The following PCDHA3 variants were observed in gnomAD, a reference collection of about 807,000 sequenced individuals.
PCDHA3 encodes the protein protocadherin alpha 3, also known as protocadherin alpha-3.
In PCDHA3, 41 loss-of-function variants were observed where a neutral mutation model predicts 62.2. The ratio of observed to expected loss-of-function variants is 0.66; its 90% CI spans 0.51 to 0.86. PCDHA3 has a LOEUF of 0.86. Among genes scored for constraint, PCDHA3 ranks in the 40% least tolerant of loss-of-function variants. PCDHA3 has a pLI of 0.00. For missense variants in PCDHA3, 1,304 were observed against 1,241.2 expected (o/e 1.05, Z -0.76); for synonymous variants, 640 against 555.4 (o/e 1.15, Z -2.14).
intron 1 of PCDHA3, among the ~76,000 whole-genome samples, chr5:140,806,741 C>T (rs1763776091): frequency 6.6e-6 from 1 of 152,124 alleles, no homozygotes; most frequent in Non-Finnish European, 1.5e-5. Flanking sequence ...TACATGTTTA[C>T]AAAGTGTATA....
At chr5:140,820,515 G>A (rs2150107166) in intron 1 of PCDHA3, among the ~76,000 whole-genome samples, 23 of 151,938 alleles carry the variant, frequency 1.5e-4, no homozygotes, top group African/African-American at 5.6e-4. Flanking sequence ...ATATATACAA[G>A]CAGAATGTTA....
intron 1 of PCDHA3, among the ~76,000 whole-genome samples, chr5:140,898,137 G>C (rs1554187832): frequency 6.6e-6 from 1 of 152,098 alleles, no homozygotes; most frequent in African/African-American, 2.4e-5. Flanking sequence ...CATTTTGTAG[G>C]TTGCCTGTTC....
chr5:140,910,514 T>C (rs1246361505), intron 1 of PCDHA3, among the ~76,000 whole-genome samples: 1 of 152,218 alleles, frequency 6.6e-6, no homozygotes, highest in African/African-American at 2.4e-5. Flanking sequence ...TCTTCAAGGA[T>C]GCAGGTACTC....
At chr5:140,816,507 T>TTTTG (rs1554127077) in intron 1 of PCDHA3, 1 of 149,440 alleles carries the variant, frequency 6.7e-6, no homozygotes, top group Non-Finnish European at 1.5e-5. Flanking sequence ...GGAGGTGTGT[T>TTTTG]TGTGTGTGTG....
At position 141,010,062 on chromosome 5, in the gene PCDHA3, A is replaced by G. The variant is rs1310704954; in HGVS notation, c.*125A>G. The G allele has an allele frequency of 8.1e-6, 13 of 1,602,422 alleles. No individual in the cohort carries two copies. Among genetic ancestry groups the G allele is most frequent in the African/African-American group, 2.7e-5 (2 of 74,284 alleles). On this transcript the variant is annotated 3_prime_UTR_variant, in exon 4 of 4. Transcript: ENST00000522353. Reference sequence around the variant, plus strand: ...CCTCTTAGAGACCTCAGAAATCTGCAGAAAGTTCCCTGTGTCTGTCTAGAA... The same window carrying G: ...CCTCTTAGAGACCTCAGAAATCTGCGGAAAGTTCCCTGTGTCTGTCTAGAA...
chr5:140,950,515 C>T lies in PCDHA3; in HGVS notation c.2395-28434C>T, dbSNP rs144121614. 1.4e-3 allele frequency among the ~76,000 whole-genome samples: 220 copies of T among 151,996 alleles called. 1 individual carries two copies. The highest frequency in any genetic ancestry group is 4.9e-3 in the African/African-American group (204 of 41,490). On this transcript the variant is annotated intron_variant, in intron 1 of 3. Transcript: ENST00000522353. The stretch of plus-strand genomic sequence containing the variant: ...CATTTAAGTCATTATTCCCTGTGTG[C>T]GATATGATTGTTTTTGTTGCTCTTG...
intron 1 of PCDHA3, among the ~76,000 whole-genome samples, chr5:140,826,325 G>T (rs1455505548): frequency 6.6e-6 from 1 of 151,996 alleles, no homozygotes; most frequent in East Asian, 1.9e-4. Context: ...GATTGTTTTT[G>T]GTTAAGAAAT....
chr5:140,911,420 C>T (rs1411930717), intron 1 of PCDHA3, among the ~76,000 whole-genome samples: 1 of 152,134 alleles, frequency 6.6e-6, no homozygotes, highest in Non-Finnish European at 1.5e-5. Context: ...ATGATAAGAA[C>T]TTGTGTCCAA....
chr5:140,888,712 A>G (rs567823119), intron 1 of PCDHA3, among the ~76,000 whole-genome samples: 34 of 152,168 alleles, frequency 2.2e-4, no homozygotes, highest in Non-Finnish European at 4.1e-4. Flanking sequence ...GGAATGTGAA[A>G]TATTTCCAGC....
At position 140,927,327 on chromosome 5, in the gene PCDHA3, C is replaced by T. The variant is rs781793681; in HGVS notation, c.2395-51622C>T. On this transcript the variant is annotated intron_variant, in intron 1 of 3. Coordinates refer to ENST00000522353, the MANE Select transcript of PCDHA3 (RefSeq NM_018906.3). ...TGACGCCCGGAGCCCGCTTTACTCT[C>T]CCGAATGCCCAAGATGACGACGAGG... 8.5e-5 allele frequency: 137 copies of T among 1,614,206 alleles called. No individual in the cohort carries two copies. In the Middle Eastern group the frequency reaches 3.6e-3, roughly 43 times the overall value.
At chr5:140,883,024 A>G (rs782136244) in intron 1 of PCDHA3, 3 of 1,614,184 alleles carry the variant, frequency 1.9e-6, no homozygotes, top group Non-Finnish European at 2.5e-6. Context: ...TGACGGTGTT[A>G]GAGAACGCCT....
chr5:140,858,781 T>C, intron 1 of PCDHA3: 1 of 406,616 alleles, frequency 2.5e-6, no homozygotes, highest in Non-Finnish European at 4.5e-6. Flanking sequence ...TAGTACTTCA[T>C]GTTATTTCAT....
intron 1 of PCDHA3, among the ~76,000 whole-genome samples, chr5:140,894,883 A>ACC (rs1407725642): frequency 6.6e-6 from 1 of 152,200 alleles, no homozygotes; most frequent in African/African-American, 2.4e-5. Flanking sequence ...TTTAGAAGAA[A>ACC]CAGACCAGGA....
At chr5:140,957,895 A>G (rs1169291586) in intron 1 of PCDHA3, among the ~76,000 whole-genome samples, 1 of 152,118 alleles carries the variant, frequency 6.6e-6, no homozygotes, top group African/African-American at 2.4e-5. Flanking sequence ...GTTGGCATCA[A>G]CCAAGGCATA....
chr5:141,000,361 G>GTCTC (rs148596731), intron 3 of PCDHA3, among the ~76,000 whole-genome samples: 446 of 26,454 alleles, frequency 0.017, 11 homozygotes, highest in Non-Finnish European at 0.022. Flanking sequence ...GTCTCTCTCT[G>GTCTC]TCTCTCTCTC....
At chr5:140,883,237 T>C in intron 1 of PCDHA3, 2 of 1,614,044 alleles carry the variant, frequency 1.2e-6, no homozygotes, top group Non-Finnish European at 1.7e-6. Context: ...TGGAGGCAGT[T>C]GACAAAGGAA....
intron 1 of PCDHA3, among the ~76,000 whole-genome samples, chr5:140,873,282 T>C (rs961755772): frequency 2.6e-4 from 39 of 152,330 alleles, no homozygotes; most frequent in African/African-American, 8.7e-4. Context: ...TCATACCACT[T>C]ATGAAACTTT....
intron 1 of PCDHA3, chr5:140,868,954 C>G: frequency 7.4e-7 from 1 of 1,348,952 alleles, no homozygotes; most frequent in Non-Finnish European, 1.0e-6. Flanking sequence ...GTGAGGCACT[C>G]CCATACAAAG....
intron 1 of PCDHA3, among the ~76,000 whole-genome samples, chr5:140,879,326 T>C (rs1554170752): frequency 6.6e-6 from 1 of 152,232 alleles, no homozygotes. Flanking sequence ...CTCACTTTTT[T>C]AGTTTGTTCA....
Sources: gnomAD v4.1 joint callset for allele counts (sites outside exome capture counted in the v4.1 genomes callset) on GRCh38, gnomAD v4.1.1 for gene constraint, MANE v1.5 for transcripts, NCBI Gene and HGNC (gene_info 2026-07-23, HGNC 2026-07-21) for gene names.